Variants in B3GNT3 observed in about 807,000 individuals in gnomAD.
The protein encoded by B3GNT3 is UDP-GlcNAc:betaGal beta-1,3-N-acetylglucosaminyltransferase 3.
A neutral mutation model predicts 11.6 loss-of-function variants in B3GNT3; 7 were observed. That is an observed-to-expected ratio of 0.60 (90% confidence interval 0.34 to 1.13). The LOEUF is 1.13. Among genes scored for constraint, B3GNT3 ranks in the 50% most tolerant of loss-of-function variants. B3GNT3 has a pLI of 0.03. For synonymous variants in B3GNT3, 201 were observed against 222.1 expected, an observed-to-expected ratio of 0.90 and a Z score of 0.85; for missense variants, 400 against 507.4, an observed-to-expected ratio of 0.79 and a Z score of 2.03.
Position 17,808,217 on chromosome 19 carries a change from G to C in B3GNT3, c.410G>C (p.Arg137Pro), listed in dbSNP as rs1335188746. 1 of 1,613,240 alleles carries C rather than the reference G, an allele frequency of 6.2e-7. No individual in the cohort carries two copies. The part of the protein sequence containing the change: ...RRTWGRERKV[R>P]GLQLRLLFLV... ...ACGTGGGGCCGCGAGCGCAAGGTAC[G>C]GGGTTTGCAGCTGCGCCTCCTCTTC... The change falls in exon 2 of 3, where the codon CGG becomes CCG. Residue 137 changes from arginine to proline, a missense_variant. Coordinates refer to ENST00000318683, the MANE Select transcript of B3GNT3 (RefSeq NM_014256.4).
In B3GNT3 at chr19:17,811,079, C is replaced by T. The variant is rs1006853; in HGVS notation, c.568-492C>T. Among the ~76,000 whole-genome samples the T allele has an allele frequency of 0.14, 20,608 of 149,960 alleles. 1,508 individuals carry two copies. The highest frequency in any genetic ancestry group is 0.2 in the Admixed American group (3,075 of 15,058). On this transcript the variant is annotated intron_variant, in intron 2 of 2. Transcript: ENST00000318683. This position sits in a 1 kb window ranked among gnomAD's most constrained non-coding sequence, Gnocchi z 4.1. ...AAAATTATTAGCCAGGAGTAAGTAG[C>T]GGCATGTGTCTGTAGTACCAGCTAC...
At chr19:17,798,069 G>A (rs1228126774) in intron 1 of B3GNT3, among the ~76,000 whole-genome samples, 2 of 152,236 alleles carry the variant, frequency 1.3e-5, no homozygotes, top group East Asian at 1.9e-4. Context: ...CCCTCTGGAA[G>A]GCTCAGTGAG....
chr19:17,798,740 T>G (rs1468698902), intron 1 of B3GNT3, among the ~76,000 whole-genome samples: 1 of 151,832 alleles, frequency 6.6e-6, no homozygotes, highest in Non-Finnish European at 1.5e-5. Flanking sequence ...TTTGGGAGGC[T>G]GAGGTGGGAG....
chr19:17,808,190 G>A lies in B3GNT3; in HGVS notation c.383G>A (p.Arg128His), dbSNP rs2094176215. 2 of 1,610,584 alleles carry A rather than the reference G, an allele frequency of 1.2e-6. No homozygotes were observed. Among genetic ancestry groups the A allele is most frequent in the Admixed American group, 1.7e-5 (1 of 59,874 alleles). The change falls in exon 2 of 3, where the codon CGC (arginine) becomes CAC (histidine). Residue 128 changes from arginine (R) to histidine (H), a missense_variant. Physicochemically the swap from Arg to His is conservative, Grantham distance 29. Transcript: ENST00000318683. ...TATGTGCGCCGCGAGCTGCTGCGGCGCACGTGGGGCCGCGAGCGCAAGGTA... is the reference window on the plus strand; with the variant it reads ...TATGTGCGCCGCGAGCTGCTGCGGCACACGTGGGGCCGCGAGCGCAAGGTA... ...SNYVRRELLR[R>H]TWGRERKVRG... is the part of the protein sequence containing the mutation.
rs2094176532 is a variant in B3GNT3, at chr19:17,808,364, C to T, written c.557C>T (p.Thr186Met). The change falls in exon 2 of 3, where the codon ACG becomes ATG. Residue 186 changes from threonine to methionine, a missense_variant. Thr to Met is a moderately conservative substitution (Grantham distance 81). Coordinates refer to ENST00000318683, the MANE Select transcript of B3GNT3 (RefSeq NM_014256.4). ...TTCCACGACTCCTTCTTCAACCTCA[C>T]GCTCAAGCAGGTGCGCTGGACTGGG... Reference protein sequence around the residue: ...WDFHDSFFNLTLKQVLFLQWQ... With the variant: ...WDFHDSFFNLMLKQVLFLQWQ... 1.2e-5 allele frequency: 19 copies of T among 1,603,876 alleles called. No homozygotes were observed. The highest frequency in any genetic ancestry group is 1.6e-5 in the Non-Finnish European group (19 of 1,173,584).
chr19:17,811,618 C>T lies in B3GNT3; in HGVS notation c.615C>T (p.Phe205=), dbSNP rs745812614. The T allele has an allele frequency of 2.1e-5, 34 of 1,613,900 alleles. 1 individual carries two copies. The South Asian group carries it at 2.7e-4, about 13-fold the overall frequency. The change falls in exon 3 of 3, where the codon TTC becomes TTT. Residue 205 remains phenylalanine, a synonymous_variant. Transcript: ENST00000318683. This position sits in a 1 kb window ranked among gnomAD's most constrained non-coding sequence, Gnocchi z 4.1. ...WQETRCANAS[F]VLNGDDDVFA... ...AGACAAGGTGCGCCAACGCCAGCTT[C>T]GTGCTCAACGGGGATGATGACGTCT...
intron 1 of B3GNT3, among the ~76,000 whole-genome samples, chr19:17,803,077 C>A (rs943250222): frequency 7.2e-5 from 11 of 151,876 alleles, no homozygotes; most frequent in Admixed American, 2.6e-4. Context: ...ACGATCTCGG[C>A]TCACTGCAAC....
chr19:17,807,821 G>C lies in B3GNT3; in HGVS notation c.14G>C (p.Arg5Pro). The C allele has an allele frequency of 6.2e-7, 1 of 1,610,390 alleles. No homozygotes were observed. Among genetic ancestry groups the C allele is most frequent in the Non-Finnish European group, 8.5e-7 (1 of 1,177,728 alleles). Residue 5 changes from arginine to proline, a missense_variant, in exon 2 of 3, where the codon CGG becomes CCG. Physicochemically the swap from Arg to Pro is moderately radical, Grantham distance 103. Transcript: ENST00000318683. ...TGGCTGGCCAGGATGAAGTATCTCC[G>C]GCACCGGCGGCCCAATGCCACCCTC... Reference protein sequence around the residue: MKYLRHRRPNATLIL... With the variant: MKYLPHRRPNATLIL...
chr19:17,805,824 A>G (rs1599846956), intron 1 of B3GNT3, among the ~76,000 whole-genome samples: 3 of 151,380 alleles, frequency 2.0e-5, no homozygotes. Context: ...TTGAGACAGC[A>G]TCTTGCTCTG....
In B3GNT3 at chr19:17,811,803, A is replaced by G. The variant is rs2094181207; in HGVS notation, c.800A>G (p.Tyr267Cys). The G allele has an allele frequency of 6.2e-7, 1 of 1,614,090 alleles. No homozygotes were observed. Among genetic ancestry groups the G allele is most frequent in the Non-Finnish European group, 8.5e-7 (1 of 1,180,048 alleles). The change falls in exon 3 of 3, where the codon TAT (tyrosine) becomes TGT (cysteine). Residue 267 changes from tyrosine to cysteine, a missense_variant. By Grantham distance (194) the Tyr-to-Cys change is radical (BLOSUM62 -2). Coordinates refer to ENST00000318683, the MANE Select transcript of B3GNT3 (RefSeq NM_014256.4). The surrounding 1 kb of genome is among the most constrained non-coding windows in gnomAD (Gnocchi z 4.1). ...VVTQNERYPPYCGGGGFLLSR... is the reference protein window; with the variant it reads ...VVTQNERYPPCCGGGGFLLSR... ...ACTCAGAATGAGCGGTACCCACCCTATTGTGGGGGTGGTGGCTTCTTGCTG... is the reference window on the plus strand; with the variant it reads ...ACTCAGAATGAGCGGTACCCACCCTGTTGTGGGGGTGGTGGCTTCTTGCTG...
Position 17,807,894 on chromosome 19 carries a change from G to A in B3GNT3, c.87G>A (p.Val29=). 6.2e-7 allele frequency: 1 copy of A among 1,613,486 alleles called. No individual in the cohort carries two copies. The highest frequency in any genetic ancestry group is 1.1e-5 in the South Asian group (1 of 91,078). Residue 29 remains valine (V), a synonymous_variant, in exon 2 of 3, where the codon GTG becomes GTA. Coordinates refer to ENST00000318683, the MANE Select transcript of B3GNT3 (RefSeq NM_014256.4). ...AFTLLLFSLL[V]SPPTCKVQEQ... Reference sequence around the variant, plus strand: ...CCCTCCTCCTCTTCAGTCTGCTAGTGTCACCACCCACCTGCAAGGTCCAGG... The same window carrying A: ...CCCTCCTCCTCTTCAGTCTGCTAGTATCACCACCCACCTGCAAGGTCCAGG...
At chr19:17,807,403 G>T (rs1393895013) in intron 1 of B3GNT3, among the ~76,000 whole-genome samples, 1 of 151,158 alleles carries the variant, frequency 6.6e-6, no homozygotes, top group Non-Finnish European at 1.5e-5. Flanking sequence ...GAGGCAGGAG[G>T]ATCGCTTGAA....
chr19:17,796,909 C>T (rs60354556), intron 1 of B3GNT3, among the ~76,000 whole-genome samples: 13,460 of 152,106 alleles, frequency 0.088, 1,947 homozygotes, highest in African/African-American at 0.31. Flanking sequence ...TCCCCCAACC[C>T]CATGAGCCAG....
At chr19:17,804,522 AC>A (rs1312729358) in intron 1 of B3GNT3, among the ~76,000 whole-genome samples, 2 of 112,712 alleles carry the variant, frequency 1.8e-5, no homozygotes, top group Non-Finnish European at 3.5e-5. Context: ...GGCGTGAGCC[AC>A]CGTGCCCAGC....
At chr19:17,800,736 G>A (rs2147646761) in intron 1 of B3GNT3, among the ~76,000 whole-genome samples, 1 of 152,194 alleles carries the variant, frequency 6.6e-6, no homozygotes, top group African/African-American at 2.4e-5. Flanking sequence ...GGAGGCTGAG[G>A]TGGGTGGATC....
chr19:17,794,861 C>T (rs1377084169), upstream of B3GNT3: 3 of 152,398 alleles, frequency 2.0e-5, no homozygotes, highest in African/African-American at 7.2e-5. Context: ...GAGCTCATTC[C>T]CTAGCAGCGG....
At chr19:17,804,977 G>C (rs572715296) in intron 1 of B3GNT3, among the ~76,000 whole-genome samples, 1 of 152,152 alleles carries the variant, frequency 6.6e-6, no homozygotes, top group Non-Finnish European at 1.5e-5. Context: ...CTCCTGAGTA[G>C]CTGGGACTAC....
At position 17,812,643 on chromosome 19, in the gene B3GNT3, T is replaced by TG. The variant is rs563357497; in HGVS notation, c.*527dup. ...CTGGGTCTCAGACAACTCAGAAGGT[T>TG]GGGGGGATACCAGAGAGGTGGTGGA... On this transcript the variant is annotated 3_prime_UTR_variant, in exon 3 of 3. Transcript: ENST00000318683. The TG allele has an allele frequency of 6.5e-6, 1 of 154,702 alleles. No homozygotes were observed. The highest frequency in any genetic ancestry group is 2.4e-5 in the African/African-American group (1 of 41,560). The allele number at this position is 154,702 out of a possible 1,614,324, so 9.6% of individuals were successfully genotyped here.
rs757451014 is a variant in B3GNT3 at position 17,808,101 on chromosome 19, G to T, written c.294G>T (p.Val98=). 6.2e-7 allele frequency: 1 copy of T among 1,613,870 alleles called. No homozygotes were observed. The highest frequency in any genetic ancestry group is 1.1e-5 in the South Asian group (1 of 91,070). ...GCCACTTTCCCCTGCTGCAGGACGTGCCCCCCTCTAAGTGCGCGCAGCCGG... is the reference window on the plus strand; with the variant it reads ...GCCACTTTCCCCTGCTGCAGGACGTTCCCCCCTCTAAGTGCGCGCAGCCGG... ...HCRHFPLLQD[V]PPSKCAQPVF... Residue 98 remains valine, a synonymous_variant, in exon 2 of 3, where the codon GTG becomes GTT. Transcript: ENST00000318683.
Sources: allele counts gnomAD v4.1 joint callset (sites outside exome capture counted in the v4.1 genomes callset), GRCh38; gene constraint gnomAD v4.1.1; non-coding constraint Gnocchi (gnomAD v3.1); transcripts MANE v1.5; gene names NCBI Gene and HGNC (gene_info 2026-07-23, HGNC 2026-07-21).